Variants in MB21D2 observed in about 807,000 individuals in gnomAD.
The protein encoded by MB21D2 is nucleotidyltransferase MB21D2.
A neutral mutation model predicts 33.3 loss-of-function variants in MB21D2; 9 were observed. The observed-to-expected ratio is 0.27, with a 90% CI of 0.16 to 0.47. The LOEUF (loss-of-function observed/expected upper bound fraction) is 0.47. Ranked by LOEUF, MB21D2 falls within the 20% of genes least tolerant of loss-of-function variation. The probability of loss-of-function intolerance (pLI) is 0.99; values close to 1 mark genes in which losing one functional copy is unlikely to be tolerated. For missense variants in MB21D2, 540 were observed against 624.6 expected, an observed-to-expected ratio of 0.86 and a Z score of 1.44; for synonymous variants, 241 against 236.3, an observed-to-expected ratio of 1.02 and a Z score of -0.18.
rs1249649986 is a variant in MB21D2 at position 192,862,633 on chromosome 3, A to G, written c.211+54997T>C. Among the ~76,000 whole-genome samples, 4 of 152,136 alleles carry G rather than the reference A, an allele frequency of 2.6e-5. No homozygotes were observed. The East Asian group carries it at 7.7e-4, about 29-fold the overall frequency. Reference sequence around the variant, plus strand: ...TACTCCTCCTGCTCCTTTAACTGTGAGTAACAGAGTCTTTGTAGGGTGCTC... The same window carrying G: ...TACTCCTCCTGCTCCTTTAACTGTGGGTAACAGAGTCTTTGTAGGGTGCTC... On this transcript the variant is annotated intron_variant, in intron 1 of 1. Transcript: ENST00000392452.
At chr3:192,900,538 G>T (rs541967950) in intron 1 of MB21D2, among the ~76,000 whole-genome samples, 1 of 152,208 alleles carries the variant, frequency 6.6e-6, no homozygotes, top group African/African-American at 2.4e-5. Flanking sequence ...TTCGTTTAGG[G>T]TATTGATCAT....
At chr3:192,863,851 C>T (rs935961905) in intron 1 of MB21D2, among the ~76,000 whole-genome samples, 2 of 152,188 alleles carry the variant, frequency 1.3e-5, no homozygotes, top group Admixed American at 1.3e-4. Flanking sequence ...AAGGGAGCTT[C>T]GCCAGACACC....
chr3:192,813,994 A>G (rs2108613338), intron 1 of MB21D2, among the ~76,000 whole-genome samples: 1 of 152,326 alleles, frequency 6.6e-6, no homozygotes, highest in East Asian at 1.9e-4. Context: ...AATAGCTATT[A>G]ATCAATTTTC....
At chr3:192,827,914 A>C (rs1335274045) in intron 1 of MB21D2, among the ~76,000 whole-genome samples, 2 of 152,056 alleles carry the variant, frequency 1.3e-5, no homozygotes, top group African/African-American at 4.8e-5. Flanking sequence ...TGTGAGAGGG[A>C]TCAGGTGGGA....
intron 1 of MB21D2, among the ~76,000 whole-genome samples, chr3:192,808,033 T>C (rs1387553245): frequency 6.6e-6 from 1 of 152,166 alleles, no homozygotes; most frequent in Non-Finnish European, 1.5e-5. Context: ...AAGCCATGTC[T>C]AGAAGGAACT....
At chr3:192,825,015 C>T (rs985935320) in intron 1 of MB21D2, among the ~76,000 whole-genome samples, 1 of 152,134 alleles carries the variant, frequency 6.6e-6, no homozygotes, top group Non-Finnish European at 1.5e-5. Context: ...TCTAGCTTAG[C>T]GGTCCTCCTA....
chr3:192,827,330 T>C (rs1712198942), intron 1 of MB21D2, among the ~76,000 whole-genome samples: 1 of 152,120 alleles, frequency 6.6e-6, no homozygotes, highest in East Asian at 1.9e-4. Flanking sequence ...AGTCGTTTAT[T>C]GAAATTGACT....
rs73062104 is a variant in MB21D2, at chr3:192,865,451, A to G, written c.211+52179T>C. On this transcript the variant is annotated intron_variant, in intron 1 of 1. Transcript: ENST00000392452. The stretch of plus-strand genomic sequence containing the variant: ...GAGAAATGGTTCAGCAGGAGTATGT[A>G]GAAATTCAAAGTACATGCATTAACA... Among the ~76,000 whole-genome samples the G allele has an allele frequency of 9.0e-3, 1,365 of 152,354 alleles. 15 individuals are homozygous for G. The highest frequency in any genetic ancestry group is 0.03 in the African/African-American group (1,238 of 41,578).
chr3:192,868,517 T>C (rs1713217441), intron 1 of MB21D2, among the ~76,000 whole-genome samples: 1 of 152,192 alleles, frequency 6.6e-6, no homozygotes, highest in African/African-American at 2.4e-5. Context: ...ATTAAGTTTT[T>C]TTTTTTAATT....
intron 1 of MB21D2, among the ~76,000 whole-genome samples, chr3:192,883,638 G>C (rs1037610109): frequency 6.6e-6 from 1 of 152,122 alleles, no homozygotes; most frequent in African/African-American, 2.4e-5. Flanking sequence ...TGATCCAGTA[G>C]TTGTAGTTGT....
intron 1 of MB21D2, among the ~76,000 whole-genome samples, chr3:192,807,313 G>A (rs908040185): frequency 2.8e-5 from 4 of 144,190 alleles, no homozygotes; most frequent in Non-Finnish European, 4.5e-5. Context: ...GTTCACTTCT[G>A]AAGGCTCATT....
chr3:192,917,628 A>T lies in MB21D2; in HGVS notation c.211+2T>A. The T allele has an allele frequency of 6.2e-7, 1 of 1,613,508 alleles. No individual in the cohort carries two copies. The highest frequency in any genetic ancestry group is 1.1e-5 in the South Asian group (1 of 91,020). ...ACACACCTCCCCCTTTTTCCTCCTT[A>T]CCCAGCATGGAAAAGATGAAATCCT... On this transcript the variant is annotated splice_donor_variant, in intron 1 of 1. Coordinates refer to ENST00000392452, the MANE Select transcript of MB21D2 (RefSeq NM_178496.4). LOFTEE classifies it high-confidence loss of function.
chr3:192,830,259 T>A (rs1483339543), intron 1 of MB21D2, among the ~76,000 whole-genome samples: 1 of 146,614 alleles, frequency 6.8e-6, no homozygotes, highest in Non-Finnish European at 1.5e-5. Flanking sequence ...TGTGTGTGTG[T>A]GTGTGTGTGT....
chr3:192,851,540 G>T (rs1400962225), intron 1 of MB21D2, among the ~76,000 whole-genome samples: 1 of 141,870 alleles, frequency 7.0e-6, no homozygotes, highest in Non-Finnish European at 1.5e-5. Context: ...TGTTGCCCAG[G>T]CTGGAGTGCA....
intron 1 of MB21D2, among the ~76,000 whole-genome samples, chr3:192,816,212 ATTT>A (rs112404939): frequency 0.04 from 4,781 of 120,496 alleles, 224 homozygotes; most frequent in African/African-American, 0.13. Context: ...CGAGAGGACA[ATTT>A]TTTTTTTTAA....
chr3:192,915,187 C>T (rs116009984), intron 1 of MB21D2, among the ~76,000 whole-genome samples: 1 of 152,070 alleles, frequency 6.6e-6, no homozygotes, highest in Non-Finnish European at 1.5e-5. Context: ...TCCACCCCCC[C>T]GCCCTGAAAT....
rs377477205 is a variant in MB21D2, at chr3:192,806,846, C to T, written c.212-7196G>A. Among the ~76,000 whole-genome samples the T allele has an allele frequency of 2.6e-5, 4 of 152,158 alleles. No homozygotes were observed. The South Asian group carries it at 8.3e-4, about 32-fold the overall frequency. Reference sequence around the variant, plus strand: ...GGTCTTAAAAATTGGTGGGCTTTGTCAAAGTCTACTAAGCTATTTTAAACA... The same window carrying T: ...GGTCTTAAAAATTGGTGGGCTTTGTTAAAGTCTACTAAGCTATTTTAAACA... On this transcript the variant is annotated intron_variant, in intron 1 of 1. Coordinates refer to ENST00000392452, the MANE Select transcript of MB21D2 (RefSeq NM_178496.4).
intron 1 of MB21D2, among the ~76,000 whole-genome samples, chr3:192,847,545 C>T (rs1712702370): frequency 6.6e-6 from 1 of 152,160 alleles, no homozygotes; most frequent in South Asian, 2.1e-4. Context: ...GCCGGTGACA[C>T]ACAGTAGATG....
At chr3:192,884,420 G>A (rs1269648739) in intron 1 of MB21D2, among the ~76,000 whole-genome samples, 4 of 152,010 alleles carry the variant, frequency 2.6e-5, no homozygotes, top group South Asian at 4.2e-4. Flanking sequence ...AGGCTGGAGT[G>A]CAGTGGCGCG....
Sources: allele counts gnomAD v4.1 joint callset (sites outside exome capture counted in the v4.1 genomes callset), GRCh38; gene constraint gnomAD v4.1.1; transcripts MANE v1.5; gene names NCBI Gene and HGNC (gene_info 2026-07-23, HGNC 2026-07-21).